CAMK4: variants seen among roughly 807,000 people sequenced by gnomAD.
CAMK4 encodes the protein calcium/calmodulin dependent protein kinase IV, also known as calcium/calmodulin-dependent protein kinase type IV.
In CAMK4, 22 loss-of-function variants were observed where a neutral mutation model predicts 44.9. The observed-to-expected ratio is 0.49, with a 90% CI of 0.35 to 0.70. CAMK4 has a LOEUF of 0.70. CAMK4 is among the 30% of genes least tolerant of loss of function. The pLI, the probability that CAMK4 is intolerant of heterozygous loss-of-function variation, is 0.01. For missense variants in CAMK4, 498 were observed against 586.8 expected (o/e 0.85, Z 1.56); for synonymous variants, 218 against 215.4 (o/e 1.01, Z -0.11).
intron 2 of CAMK4, among the ~76,000 whole-genome samples, chr5:111,371,266 C>A (rs940661885): frequency 3.3e-5 from 5 of 152,108 alleles, no homozygotes; most frequent in Admixed American, 3.3e-4. Flanking sequence ...AAAACATTCT[C>A]CATTTTGTAT....
At chr5:111,460,289 G>C (rs1754599969) in intron 7 of CAMK4, among the ~76,000 whole-genome samples, 1 of 125,534 alleles carries the variant, frequency 8.0e-6, no homozygotes, top group African/African-American at 3.0e-5. Flanking sequence ...TTTTTTTGAG[G>C]CAGAGTCTCA....
intron 5 of CAMK4, among the ~76,000 whole-genome samples, chr5:111,418,751 G>C (rs1422697568): frequency 6.6e-6 from 1 of 152,070 alleles, no homozygotes; most frequent in Non-Finnish European, 1.5e-5. Flanking sequence ...TTTCATCCAT[G>C]TCCCTACAAA....
At chr5:111,417,388 G>C (rs1752853336) in intron 5 of CAMK4, among the ~76,000 whole-genome samples, 1 of 151,922 alleles carries the variant, frequency 6.6e-6, no homozygotes, top group Non-Finnish European at 1.5e-5. Context: ...GCTAATTTTT[G>C]TATTTTTAGT....
chr5:111,301,139 A>G (rs1273640636), intron 1 of CAMK4, among the ~76,000 whole-genome samples: 1 of 151,738 alleles, frequency 6.6e-6, no homozygotes, highest in Non-Finnish European at 1.5e-5. Flanking sequence ...CCCCCTCCTT[A>G]ACGTACTAGG....
intron 9 of CAMK4, among the ~76,000 whole-genome samples, chr5:111,479,803 A>G (rs1430857061): frequency 6.6e-6 from 1 of 151,998 alleles, no homozygotes; most frequent in Non-Finnish European, 1.5e-5. Context: ...TGATGTATAA[A>G]TATGTCATTG....
At chr5:111,320,030 G>T (rs2112691557) in intron 1 of CAMK4, among the ~76,000 whole-genome samples, 1 of 152,238 alleles carries the variant, frequency 6.6e-6, no homozygotes, top group African/African-American at 2.4e-5. Context: ...AAAAGAATGT[G>T]ATTTATGTGC....
intron 7 of CAMK4, among the ~76,000 whole-genome samples, chr5:111,450,695 G>C (rs758948038): frequency 4.7e-5 from 7 of 150,346 alleles, no homozygotes; most frequent in Non-Finnish European, 1.0e-4. Flanking sequence ...GGCTGAGGCA[G>C]TAGAATCCCT....
chr5:111,348,957 T>C (rs914672621), intron 2 of CAMK4, among the ~76,000 whole-genome samples: 3 of 152,044 alleles, frequency 2.0e-5, no homozygotes, highest in Non-Finnish European at 4.4e-5. Flanking sequence ...ACTGAACCAC[T>C]TTTTATTGTA....
rs1026386926 is a variant in CAMK4, at chr5:111,419,887, G to A, written c.459+25105G>A. Among the ~76,000 whole-genome samples, 920 of 152,180 alleles carry A rather than the reference G, an allele frequency of 6.0e-3. 8 individuals carry two copies. The highest frequency in any genetic ancestry group is 0.02 in the African/African-American group (847 of 41,500). ...TGAAATCGGGTAGCGTGATGCCTAC[G>A]GCTTTGTTCTTTTGGCTTAGGATTG... On this transcript the variant is annotated intron_variant, in intron 5 of 10. Coordinates refer to ENST00000282356, the MANE Select transcript of CAMK4 (RefSeq NM_001744.6).
intron 7 of CAMK4, among the ~76,000 whole-genome samples, chr5:111,453,860 T>C (rs1037155222): frequency 6.6e-6 from 1 of 152,126 alleles, no homozygotes; most frequent in African/African-American, 2.4e-5. Context: ...GAATAATTTG[T>C]GTGGGTTGCC....
chr5:111,226,496 A>T (rs1202039513), intron 1 of CAMK4, among the ~76,000 whole-genome samples: 1 of 152,248 alleles, frequency 6.6e-6, no homozygotes, highest in Non-Finnish European at 1.5e-5. Flanking sequence ...TTGAAAATGC[A>T]TTTACTACAC....
chr5:111,455,650 C>T (rs1376077609), intron 7 of CAMK4, among the ~76,000 whole-genome samples: 4 of 152,330 alleles, frequency 2.6e-5, no homozygotes, highest in East Asian at 1.9e-4. Context: ...TACCCTAAGG[C>T]GTGGTAGGTC....
intron 7 of CAMK4, among the ~76,000 whole-genome samples, chr5:111,451,089 G>T (rs971270398): frequency 1.3e-5 from 2 of 151,948 alleles, no homozygotes; most frequent in Non-Finnish European, 2.9e-5. Context: ...TTTTAGTGCT[G>T]GAAGGAACTT....
chr5:111,230,262 T>C (rs954859044), intron 1 of CAMK4, among the ~76,000 whole-genome samples: 2 of 152,200 alleles, frequency 1.3e-5, no homozygotes, highest in African/African-American at 4.8e-5. Context: ...AATGTCACTT[T>C]TCTGTTGGCA....
intron 2 of CAMK4, among the ~76,000 whole-genome samples, chr5:111,356,150 C>A (rs1202072679): frequency 7.0e-6 from 1 of 143,790 alleles, no homozygotes; most frequent in Non-Finnish European, 1.5e-5. Context: ...TTCTCCACAT[C>A]CTCTCCAGCA....
chr5:111,365,898 G>T (rs761618248), intron 2 of CAMK4, among the ~76,000 whole-genome samples: 1 of 152,082 alleles, frequency 6.6e-6, no homozygotes, highest in Non-Finnish European at 1.5e-5. Context: ...TGATTTTGGG[G>T]TGTTCAAACA....
chr5:111,274,454 A>G (rs80294212), intron 1 of CAMK4, among the ~76,000 whole-genome samples: 2,187 of 152,292 alleles, frequency 0.014, 51 homozygotes, highest in African/African-American at 0.05. Context: ...ATATTTGTGA[A>G]TGAGTGACAA....
chr5:111,359,729 G>T (rs1315706335), intron 2 of CAMK4, among the ~76,000 whole-genome samples: 1 of 152,024 alleles, frequency 6.6e-6, no homozygotes, highest in African/African-American at 2.4e-5. Context: ...TTACATTTAA[G>T]GCTTTAATCC....
chr5:111,255,433 T>C (rs1210968392), intron 1 of CAMK4, among the ~76,000 whole-genome samples: 4 of 152,252 alleles, frequency 2.6e-5, no homozygotes, highest in Non-Finnish European at 5.9e-5. Context: ...TTTTTGTGTG[T>C]AGTAGGCTGA....
Sources: gnomAD v4.1 joint callset for allele counts (sites outside exome capture counted in the v4.1 genomes callset) on GRCh38, gnomAD v4.1.1 for gene constraint, MANE v1.5 for transcripts, NCBI Gene and HGNC (gene_info 2026-07-23, HGNC 2026-07-21) for gene names.